Variants in CASC3 observed in about 807,000 individuals in gnomAD.
CASC3 encodes the protein protein CASC3.
In CASC3, 30 loss-of-function variants were observed where a neutral mutation model predicts 80.5. The observed-to-expected ratio is 0.37, with a 90% CI of 0.28 to 0.51. The LOEUF is 0.51. CASC3 is among the 20% of genes least tolerant of loss of function. The pLI is 0.94. For missense variants in CASC3, 824 were observed against 922.2 expected (o/e 0.89, Z 1.38); for synonymous variants, 312 against 333.6 (o/e 0.94, Z 0.70).
Position 40,166,850 on chromosome 17 carries a change from AT to A in CASC3, c.1526del (p.Met509ArgfsTer70), listed in dbSNP as rs1331317788. The A allele has an allele frequency of 6.2e-7, 1 of 1,606,746 alleles. No homozygotes were observed. The highest frequency in any genetic ancestry group is 8.5e-7 in the Non-Finnish European group (1 of 1,177,266). Reference sequence around the variant, plus strand: ...AGGACCTCCACCTCAGTTTAACCGGATGGAAGAAATGGTACAGAAGGGGAAA... The same window carrying A: ...AGGACCTCCACCTCAGTTTAACCGGAGGAAGAAATGGTACAGAAGGGGAAA... ...GAGPPPQFNR[M>X]EEMGVQGGRA... On this transcript the variant is annotated frameshift_variant, in exon 8 of 14. Coordinates refer to ENST00000264645, the MANE Select transcript of CASC3 (RefSeq NM_007359.5). LOFTEE classifies it high-confidence loss of function.
intron 3 of CASC3, among the ~76,000 whole-genome samples, chr17:40,142,745 T>A (rs1255221966): frequency 6.6e-6 from 1 of 151,478 alleles, no homozygotes; most frequent in Admixed American, 6.6e-5. Flanking sequence ...AAAAAAATAA[T>A]AATAAATTAG....
chr17:40,156,523 G>A (rs2030381), intron 3 of CASC3, among the ~76,000 whole-genome samples: 150,779 of 152,014 alleles, frequency 0.99, 74,776 homozygotes, highest in East Asian at 1. Flanking sequence ...CGTCTCTACT[G>A]AAAATACAAA....
Position 40,140,733 on chromosome 17 carries a change from G to C in CASC3, c.185G>C (p.Arg62Pro). 6.5e-7 allele frequency: 1 copy of C among 1,544,032 alleles called. No individual in the cohort carries two copies. The highest frequency in any genetic ancestry group is 8.7e-7 in the Non-Finnish European group (1 of 1,146,138). ...GGCCGAACCGGGGCCCTTCATCTGCGGCGGGTGGAGAGCGGGGGCGCCAAG... is the reference window on the plus strand; with the variant it reads ...GGCCGAACCGGGGCCCTTCATCTGCCGCGGGTGGAGAGCGGGGGCGCCAAG... ...RGGRTGALHL[R>P]RVESGGAKSA... The change falls in exon 1 of 14, where the codon CGG becomes CCG. Residue 62 changes from arginine to proline, a missense_variant. Physicochemically the swap from Arg to Pro is moderately radical, Grantham distance 103. Coordinates refer to ENST00000264645, the MANE Select transcript of CASC3 (RefSeq NM_007359.5).
In CASC3 at chr17:40,141,606, A is replaced by C. The variant is rs532687270; in HGVS notation, c.296A>C (p.Glu99Ala). ...LSDYESAEDS[E>A]GEEGEYSEEE... ...GATTATGAAAGTGCAGAAGACTCGG[A>C]AGTGAGTATGACAGGTTTTTTCCTA... Residue 99 changes from glutamate (E) to alanine (A), a missense_variant and splice_region_variant, in exon 3 of 14, where the codon GAA (glutamate) becomes GCA (alanine). By Grantham distance (107) the Glu-to-Ala change is moderately radical. This residue lies in a region of CASC3 where 201 missense variants were observed against 294.1 expected (regional missense o/e 0.68). Coordinates refer to ENST00000264645, the MANE Select transcript of CASC3 (RefSeq NM_007359.5). The C allele has an allele frequency of 1.2e-6, 2 of 1,612,706 alleles. No individual in the cohort carries two copies. Among genetic ancestry groups the C allele is most frequent in the Non-Finnish European group, 1.7e-6 (2 of 1,178,760 alleles).
At chr17:40,151,689 C>T (rs957576709) in intron 3 of CASC3, among the ~76,000 whole-genome samples, 3 of 125,784 alleles carry the variant, frequency 2.4e-5, no homozygotes, top group Admixed American at 8.5e-5. Flanking sequence ...GTGAGACCTT[C>T]ATCTCAAAAA....
chr17:40,140,649 G>A lies in CASC3; in HGVS notation c.101G>A (p.Gly34Glu). Residue 34 changes from glycine (G) to glutamate (E), a missense_variant, in exon 1 of 14, where the codon GGG becomes GAG. Physicochemically the swap from Gly to Glu is moderately conservative, Grantham distance 98 (BLOSUM62 -2). Coordinates refer to ENST00000264645, the MANE Select transcript of CASC3 (RefSeq NM_007359.5). ...DSGGSPLRGG[G>E]SCSGSAGGGG... ...GGCGGCTCCCCGTTGCGGGGAGGCG[G>A]GAGCTGCAGCGGTAGCGCCGGAGGC... is the stretch of plus-strand genomic sequence containing the variant. 1.9e-6 allele frequency: 3 copies of A among 1,607,362 alleles called. No homozygotes were observed. Among genetic ancestry groups the A allele is most frequent in the Non-Finnish European group, 2.5e-6 (3 of 1,178,432 alleles).
rs1427664560 is a variant in CASC3, at chr17:40,164,989, C to T, written c.1471+823C>T. Among the ~76,000 whole-genome samples the T allele has an allele frequency of 6.8e-4, 98 of 144,376 alleles. 1 individual carries two copies. The highest frequency in any genetic ancestry group is 2.1e-4 in the Non-Finnish European group (14 of 65,960). 94.7% of individuals were successfully genotyped at this position (144,376 alleles called of 152,430 possible). A position where few individuals can be genotyped will look rare whatever the true frequency, so the allele number is the denominator to read the frequency against. On this transcript the variant is annotated intron_variant, in intron 7 of 13. Transcript: ENST00000264645. Reference sequence around the variant, plus strand: ...AGGCTGGAGTGCAGTGGTGTGATCTCGGCTCACTGCAAGCTCTGCCTCCTG... The same window carrying T: ...AGGCTGGAGTGCAGTGGTGTGATCTTGGCTCACTGCAAGCTCTGCCTCCTG...
intron 3 of CASC3, among the ~76,000 whole-genome samples, chr17:40,159,311 C>T (rs1452645044): frequency 1.3e-5 from 2 of 152,100 alleles, no homozygotes; most frequent in East Asian, 1.9e-4. Context: ...CCCTTATGTA[C>T]TACTATTTTT....
intron 11 of CASC3, 135 bp downstream of exon 11, chr17:40,168,552 C>T: frequency 1.3e-6 from 1 of 753,054 alleles, no homozygotes; most frequent in Admixed American, 2.5e-5. Flanking sequence ...ACCAAGACGC[C>T]TCTTAGTGGT....
At chr17:40,146,109 A>G (rs1373820778) in intron 3 of CASC3, among the ~76,000 whole-genome samples, 4 of 152,184 alleles carry the variant, frequency 2.6e-5, no homozygotes, top group Admixed American at 1.3e-4. Flanking sequence ...ATTCTTTTAT[A>G]GCAGTTATTT....
chr17:40,158,812 T>C (rs776050748), intron 3 of CASC3, among the ~76,000 whole-genome samples: 2 of 152,180 alleles, frequency 1.3e-5, no homozygotes, highest in African/African-American at 2.4e-5. Context: ...TGTAATTATG[T>C]GATTCTGGAT....
chr17:40,154,480 C>T (rs1035819341), intron 3 of CASC3, among the ~76,000 whole-genome samples: 1 of 151,064 alleles, frequency 6.6e-6, no homozygotes, highest in African/African-American at 2.4e-5. Context: ...GTGATCTGCC[C>T]ACCTCAGCCT....
intron 6 of CASC3, 94 bp from the exon 7 acceptor site, chr17:40,163,387 G>A (rs1598429470): frequency 4.8e-6 from 5 of 1,038,988 alleles, no homozygotes; most frequent in Non-Finnish European, 7.0e-6. Context: ...TGCCCGTCTC[G>A]ATCTCCCAAA....
chr17:40,140,694 C>G lies in CASC3; in HGVS notation c.146C>G (p.Pro49Arg). ...SAGGGGSGSL[P>R]SQRGGRTGAL... Reference sequence around the variant, plus strand: ...GGAGGCGGCGGCAGCGGCTCTCTGCCTTCACAGCGCGGAGGCCGAACCGGG... The same window carrying G: ...GGAGGCGGCGGCAGCGGCTCTCTGCGTTCACAGCGCGGAGGCCGAACCGGG... Residue 49 changes from proline to arginine, a missense_variant, in exon 1 of 14, where the codon CCT becomes CGT. By Grantham distance (103) the Pro-to-Arg change is moderately radical. This residue lies in a region of CASC3 where 159 missense variants were observed against 122.2 expected (regional missense o/e 1.30). Coordinates refer to ENST00000264645, the MANE Select transcript of CASC3 (RefSeq NM_007359.5). The G allele has an allele frequency of 6.3e-7, 1 of 1,588,654 alleles. No individual in the cohort carries two copies. The highest frequency in any genetic ancestry group is 8.6e-7 in the Non-Finnish European group (1 of 1,169,436).
intron 6 of CASC3, among the ~76,000 whole-genome samples, chr17:40,163,236 G>A (rs571104206): frequency 1.3e-5 from 2 of 152,272 alleles, no homozygotes; most frequent in East Asian, 3.9e-4. Context: ...TTGGGTTGAA[G>A]TGATTCTCCT....
At chr17:40,161,960 T>G (rs1029308592) in intron 4 of CASC3, 42 bp from the exon 5 acceptor site, 1 of 1,612,780 alleles carries the variant, frequency 6.2e-7, no homozygotes, top group East Asian at 2.2e-5. Flanking sequence ...ATAGAGATTC[T>G]TGAGGCTTGG....
intron 6 of CASC3, 124 bp downstream of exon 6, chr17:40,163,025 AG>A (rs1344069184): frequency 1.1e-5 from 8 of 695,726 alleles, no homozygotes; most frequent in Non-Finnish European, 1.9e-5. Flanking sequence ...GTTCAAGACC[AG>A]CCTGGGGAAC....
chr17:40,142,529 T>C (rs1319937393), intron 3 of CASC3, among the ~76,000 whole-genome samples: 2 of 152,190 alleles, frequency 1.3e-5, no homozygotes, highest in African/African-American at 4.8e-5. Flanking sequence ...CCCAGCACTT[T>C]GGAAGGCTGA....
chr17:40,161,361 T>C (rs969496483), intron 3 of CASC3, among the ~76,000 whole-genome samples: 31 of 152,262 alleles, frequency 2.0e-4, no homozygotes, highest in African/African-American at 6.7e-4. Context: ...AAAAATTTAT[T>C]GATAAATGTA....
Sources: allele counts gnomAD v4.1 joint callset (sites outside exome capture counted in the v4.1 genomes callset), GRCh38; gene constraint gnomAD v4.1.1; regional missense constraint gnomAD v4.1.1; transcripts MANE v1.5; gene names NCBI Gene and HGNC (gene_info 2026-07-23, HGNC 2026-07-21).